The following ITPK1 variants were observed in gnomAD, a reference collection of about 807,000 sequenced individuals.
ITPK1 encodes inositol 1,3,4-trisphosphate 5/6-kinase.
In ITPK1, 21 loss-of-function variants were observed where a neutral mutation model predicts 45.3. The ratio of observed to expected loss-of-function variants is 0.46; its 90% CI spans 0.33 to 0.67. ITPK1 has a LOEUF of 0.67. Ranked by LOEUF, ITPK1 falls within the 30% of genes least tolerant of loss-of-function variation. ITPK1 has a pLI of 0.02. For missense variants in ITPK1, 474 were observed against 573.5 expected (o/e 0.83, Z 1.77); for synonymous variants, 258 against 253.6 (o/e 1.02, Z -0.16).
Position 92,937,928 on chromosome 14 carries a change from G to C in ITPK1, c.*3633C>G, listed in dbSNP as rs1032611857. On this transcript the variant is annotated 3_prime_UTR_variant, in exon 11 of 11. Coordinates refer to ENST00000267615, the MANE Select transcript of ITPK1 (RefSeq NM_014216.6). ...AGCTCGGGAAGGAGAAGGAGCTGCC[G>C]GGGATCCCACCGGGTGAATGATCAG... 6.4e-6 allele frequency: 1 copy of C among 155,956 alleles called. No homozygotes were observed. Among genetic ancestry groups the C allele is most frequent in the African/African-American group, 2.4e-5 (1 of 41,490 alleles). 9.7% of individuals were successfully genotyped at this position (155,956 alleles called of 1,614,324 possible). A position where few individuals can be genotyped will look rare whatever the true frequency, so the allele number is the denominator to read the frequency against.
chr14:92,952,039 G>T, intron 8 of ITPK1, 26 bp from the exon 9 acceptor site: 1 of 1,550,618 alleles, frequency 6.4e-7, no homozygotes, highest in Non-Finnish European at 8.7e-7. Flanking sequence ...GAAGGAGCCG[G>T]CGTTAGAACC....
intron 2 of ITPK1, among the ~76,000 whole-genome samples, chr14:93,097,129 T>C (rs1426422912): frequency 6.6e-6 from 1 of 152,216 alleles, no homozygotes; most frequent in East Asian, 1.9e-4. Context: ...TTGGGAAAGG[T>C]CTATGGGCTG....
intron 6 of ITPK1, 22 bp downstream of exon 6, chr14:92,962,729 G>C: frequency 6.3e-7 from 1 of 1,576,306 alleles, no homozygotes; most frequent in Non-Finnish European, 8.7e-7. Flanking sequence ...CTGCCCTCAG[G>C]TGGAGCTGGG....
intron 2 of ITPK1, among the ~76,000 whole-genome samples, chr14:93,081,790 C>T (rs1405104324): frequency 6.6e-6 from 1 of 152,168 alleles, no homozygotes. Flanking sequence ...GGGGCGGGGG[C>T]TGAGACGCAG....
intron 3 of ITPK1, among the ~76,000 whole-genome samples, chr14:93,021,501 G>A (rs928001549): frequency 6.6e-6 from 1 of 152,130 alleles, no homozygotes; most frequent in Middle Eastern, 3.4e-3. Flanking sequence ...GCTGAGGTGG[G>A]AGAATTGCTT....
intron 3 of ITPK1, among the ~76,000 whole-genome samples, chr14:93,043,799 CA>C (rs889154145): frequency 6.6e-6 from 1 of 152,206 alleles, no homozygotes; most frequent in African/African-American, 2.4e-5. Flanking sequence ...TGGCATCCTG[CA>C]GGAGGCCCTT....
intron 5 of ITPK1, among the ~76,000 whole-genome samples, chr14:92,980,041 A>C (rs1184477400): frequency 6.6e-6 from 1 of 152,120 alleles, no homozygotes; most frequent in African/African-American, 2.4e-5. Context: ...TCAGCCTCTC[A>C]AAGTGCTGGG....
chr14:92,940,787 A>C lies in ITPK1; in HGVS notation c.*774T>G. The C allele has an allele frequency of 4.7e-6, 6 of 1,288,516 alleles. No individual in the cohort carries two copies. Among genetic ancestry groups the C allele is most frequent in the Non-Finnish European group, 6.1e-6 (6 of 988,402 alleles). 79.8% of individuals were successfully genotyped at this position (1,288,516 alleles called of 1,614,324 possible). ...AGCACAAATCCTCAGCACAGGCGCC[A>C]TCGGCTCGGGCCTCCAGCCAGGCAG... On this transcript the variant is annotated 3_prime_UTR_variant, in exon 11 of 11. Transcript: ENST00000267615.
chr14:92,995,854 G>A (rs955721137), intron 4 of ITPK1, among the ~76,000 whole-genome samples: 1 of 152,200 alleles, frequency 6.6e-6, no homozygotes, highest in Non-Finnish European at 1.5e-5. Context: ...GAGCTGCCCT[G>A]GGGCCAAGCA....
intron 3 of ITPK1, among the ~76,000 whole-genome samples, chr14:93,018,543 A>AG: frequency 6.6e-6 from 1 of 152,170 alleles, no homozygotes; most frequent in East Asian, 1.9e-4. Context: ...GAAAAAAAAA[A>AG]TATCCTTTAG....
intron 4 of ITPK1, among the ~76,000 whole-genome samples, chr14:93,010,005 G>A (rs772618499): frequency 5.9e-5 from 9 of 152,162 alleles, no homozygotes; most frequent in Non-Finnish European, 1.2e-4. Context: ...ATTATCTCAG[G>A]GACTGAGATG....
At chr14:92,964,556 G>A (rs960668739) in intron 5 of ITPK1, among the ~76,000 whole-genome samples, 8 of 152,204 alleles carry the variant, frequency 5.3e-5, no homozygotes, top group East Asian at 1.9e-4. Context: ...CAAACACACC[G>A]CCCCTGCAAC....
rs1352451554 is a variant in ITPK1, at chr14:93,012,284, G to A, written c.246+4392C>T. Among the ~76,000 whole-genome samples the A allele has an allele frequency of 6.6e-6, 1 of 152,258 alleles. No homozygotes were observed. Among genetic ancestry groups the A allele is most frequent in the South Asian group, 2.1e-4 (1 of 4,832 alleles). On this transcript the variant is annotated intron_variant, in intron 4 of 10. Transcript: ENST00000267615. This position sits in a 1 kb window ranked among gnomAD's most constrained non-coding sequence, Gnocchi z 4.9. ...ATTACGAACTTCCGAAGGGCATGAA[G>A]GAAAAGTGCAAAGTTGGCAGGGCCT...
chr14:92,962,817 G>C lies in ITPK1; in HGVS notation c.397C>G (p.Leu133Val). The stretch of plus-strand genomic sequence containing the variant: ...GTGTCATCCCCGCACAGGCTCGTGA[G>C]CTCCATGAAGGGTGGCGAGCAGATC... ...DRICSPPFMELTSLCGDDTMR... is the reference protein window; with the variant it reads ...DRICSPPFMEVTSLCGDDTMR... Residue 133 changes from leucine to valine, a missense_variant, in exon 6 of 11, where the codon CTC becomes GTC. Physicochemically the swap from Leu to Val is conservative, Grantham distance 32 (BLOSUM62 1). Around this residue, in one of 2 missense-constraint regions of ITPK1, gnomAD observed 367 missense variants for 480.6 expected, o/e 0.76. Coordinates refer to ENST00000267615, the MANE Select transcript of ITPK1 (RefSeq NM_014216.6). The C allele has an allele frequency of 6.2e-7, 1 of 1,613,806 alleles. No individual in the cohort carries two copies. The highest frequency in any genetic ancestry group is 8.5e-7 in the Non-Finnish European group (1 of 1,179,826).
At chr14:93,092,442 G>C (rs1297275107) in intron 2 of ITPK1, among the ~76,000 whole-genome samples, 2 of 152,220 alleles carry the variant, frequency 1.3e-5, no homozygotes, top group Non-Finnish European at 2.9e-5. Flanking sequence ...GCCTTGACAT[G>C]GGTGAGGGAG....
intron 3 of ITPK1, among the ~76,000 whole-genome samples, chr14:93,023,437 C>T (rs1888571668): frequency 6.6e-6 from 1 of 152,226 alleles, no homozygotes; most frequent in Admixed American, 6.5e-5. Flanking sequence ...CCAGCTGGCC[C>T]TGTGGACATG....
At chr14:93,020,632 G>A (rs1888418543) in intron 3 of ITPK1, among the ~76,000 whole-genome samples, 1 of 152,176 alleles carries the variant, frequency 6.6e-6, no homozygotes, top group Non-Finnish European at 1.5e-5. Flanking sequence ...CAGTTATGAT[G>A]CTGATTCTTT....
intron 5 of ITPK1, among the ~76,000 whole-genome samples, chr14:92,976,098 C>T (rs1885925397): frequency 6.6e-6 from 1 of 152,212 alleles, no homozygotes; most frequent in South Asian, 2.1e-4. Flanking sequence ...AATTAAACCT[C>T]TTTCCTTTAT....
chr14:92,967,706 T>C (rs1370120571), intron 5 of ITPK1, among the ~76,000 whole-genome samples: 1 of 152,150 alleles, frequency 6.6e-6, no homozygotes, highest in East Asian at 1.9e-4. Flanking sequence ...ACCCATACAA[T>C]GGAATATTAT....
Sources: allele counts gnomAD v4.1 joint callset (sites outside exome capture counted in the v4.1 genomes callset), GRCh38; gene constraint gnomAD v4.1.1; regional missense constraint gnomAD v4.1.1; non-coding constraint Gnocchi (gnomAD v3.1); transcripts MANE v1.5; gene names NCBI Gene and HGNC (gene_info 2026-07-23, HGNC 2026-07-21).